FOXP1: variants seen among roughly 807,000 people sequenced by gnomAD.
FOXP1 encodes forkhead box protein P1.
In FOXP1, 15 loss-of-function variants were observed where a neutral mutation model predicts 98.2. The ratio of observed to expected loss-of-function variants is 0.15; its 90% CI spans 0.10 to 0.24. The LOEUF is 0.24. Among genes scored for constraint, FOXP1 ranks in the 10% least tolerant of loss-of-function variants. FOXP1 has a pLI of 1.00. For missense variants in FOXP1, 633 were observed against 848.5 expected, an observed-to-expected ratio of 0.75 and a Z score of 3.15; for synonymous variants, 371 against 314.5, an observed-to-expected ratio of 1.18 and a Z score of -1.90.
At chr3:71,007,843 C>A (rs1322097402) in intron 12 of FOXP1, among the ~76,000 whole-genome samples, 1 of 152,140 alleles carries the variant, frequency 6.6e-6, no homozygotes, top group Non-Finnish European at 1.5e-5. Flanking sequence ...CTGTCTACAG[C>A]CCTCGACCTT....
intron 6 of FOXP1, among the ~76,000 whole-genome samples, chr3:71,181,371 G>A (rs961392695): frequency 1.3e-5 from 2 of 152,158 alleles, no homozygotes; most frequent in African/African-American, 4.8e-5. Context: ...TTGTGCCAAG[G>A]TCAATAAATT....
At chr3:71,543,392 C>A (rs2045046603) in intron 2 of FOXP1, 1 of 152,316 alleles carries the variant, frequency 6.6e-6, no homozygotes, top group Admixed American at 6.5e-5. Context: ...TGAGAAGGGA[C>A]TGAGGAGGAT....
At chr3:71,443,407 G>A (rs547509389) in intron 3 of FOXP1, among the ~76,000 whole-genome samples, 2 of 152,098 alleles carry the variant, frequency 1.3e-5, no homozygotes, top group African/African-American at 2.4e-5. Flanking sequence ...AATGACAGTC[G>A]CCCTACTGTG....
chr3:71,520,292 G>A (rs934539810), intron 2 of FOXP1, among the ~76,000 whole-genome samples: 8 of 152,156 alleles, frequency 5.3e-5, no homozygotes, highest in African/African-American at 1.7e-4. Flanking sequence ...ATGACGGGAA[G>A]GAGTTCACAT....
chr3:71,317,570 A>G (rs2075149804), intron 4 of FOXP1, among the ~76,000 whole-genome samples: 1 of 152,250 alleles, frequency 6.6e-6, no homozygotes, highest in Admixed American at 6.5e-5. Flanking sequence ...TCTAAAAGTT[A>G]CTGCCTTTCA....
At chr3:71,151,336 G>A (rs946699819) in intron 6 of FOXP1, among the ~76,000 whole-genome samples, 13 of 152,128 alleles carry the variant, frequency 8.5e-5, no homozygotes, top group Admixed American at 3.3e-4. Flanking sequence ...CACTACGCGC[G>A]TCAGGATTTA....
chr3:71,350,601 T>C lies in FOXP1; in HGVS notation c.-73+8549A>G, dbSNP rs77194726. ...TCTAGACTCCTCGAGGACAGAGGCA[T>C]GGTAGCATTTCTGAGGCACAGCCCA... On this transcript the variant is annotated intron_variant, in intron 4 of 20. Coordinates refer to ENST00000649528, the MANE Select transcript of FOXP1 (RefSeq NM_001349338.3). Among the ~76,000 whole-genome samples the C allele has an allele frequency of 1.1e-3, 165 of 152,220 alleles. 1 individual carries two copies. The highest frequency in any genetic ancestry group is 3.7e-3 in the African/African-American group (153 of 41,538).
intron 4 of FOXP1, among the ~76,000 whole-genome samples, chr3:71,304,383 G>A (rs533296709): frequency 1.3e-5 from 2 of 152,190 alleles, no homozygotes; most frequent in South Asian, 2.1e-4. Context: ...TTTTCCCTTC[G>A]AAGCTCTAAC....
chr3:71,197,738 C>A (rs1310004626), intron 6 of FOXP1: 6 of 806,080 alleles, frequency 7.4e-6, no homozygotes, highest in Non-Finnish European at 1.2e-5. Flanking sequence ...CCATCTCCGC[C>A]TGTCTTTCTA....
At chr3:71,396,993 T>TATATATAC (rs1269553423) in intron 3 of FOXP1, among the ~76,000 whole-genome samples, 4 of 52,482 alleles carry the variant, frequency 7.6e-5, no homozygotes, top group South Asian at 5.9e-4. Context: ...TGTATATATA[T>TATATATAC]ACACATATAT....
At chr3:71,025,595 A>G (rs1233694467) in intron 11 of FOXP1, among the ~76,000 whole-genome samples, 1 of 152,254 alleles carries the variant, frequency 6.6e-6, no homozygotes, top group African/African-American at 2.4e-5. Context: ...AAATTATTTA[A>G]AAATTAATGC....
At chr3:71,477,338 CA>C (rs1351776041) in intron 3 of FOXP1, among the ~76,000 whole-genome samples, 1 of 152,132 alleles carries the variant, frequency 6.6e-6, no homozygotes, top group African/African-American at 2.4e-5. Context: ...TGTAGGGCTC[CA>C]ATGAGCCTCC....
chr3:71,362,965 A>G (rs1042674222), intron 3 of FOXP1, among the ~76,000 whole-genome samples: 4 of 152,130 alleles, frequency 2.6e-5, no homozygotes, highest in Non-Finnish European at 5.9e-5. Flanking sequence ...AGTGTTTTTT[A>G]ATGTCTTCTT....
intron 4 of FOXP1, among the ~76,000 whole-genome samples, chr3:71,357,849 T>C (rs1257612643): frequency 1.3e-5 from 2 of 152,054 alleles, no homozygotes; most frequent in African/African-American, 4.8e-5. Context: ...ACAGAATACT[T>C]AAATAATTTT....
chr3:70,986,172 C>A (rs1408784856), intron 14 of FOXP1, among the ~76,000 whole-genome samples: 1 of 152,178 alleles, frequency 6.6e-6, no homozygotes, highest in East Asian at 1.9e-4. Flanking sequence ...TCCCCCCATG[C>A]TTTTCCCTGT....
rs550755824 is a variant in FOXP1, at chr3:71,452,118, C to T, written c.-168+41308G>A. Among the ~76,000 whole-genome samples, 28 of 152,250 alleles carry T rather than the reference C, an allele frequency of 1.8e-4. No homozygotes were observed. The South Asian group carries it at 5.6e-3, about 30-fold the overall frequency. ...TGCCAAATATTTACTGGCGACGTCT[C>T]TAAAATTAATCACTCTCGGAGCCCC... On this transcript the variant is annotated intron_variant, in intron 3 of 20. Coordinates refer to ENST00000649528, the MANE Select transcript of FOXP1 (RefSeq NM_001349338.3).
intron 7 of FOXP1, among the ~76,000 whole-genome samples, chr3:71,096,375 G>A (rs2056456462): frequency 6.6e-6 from 1 of 152,112 alleles, no homozygotes. Context: ...GAGTTCCGGA[G>A]CCTAACTGTG....
At chr3:71,339,495 G>T (rs1159118821) in intron 4 of FOXP1, among the ~76,000 whole-genome samples, 1 of 152,188 alleles carries the variant, frequency 6.6e-6, no homozygotes, top group Non-Finnish European at 1.5e-5. Flanking sequence ...TAACTCTTCA[G>T]CGTATCAGTG....
At chr3:70,988,638 T>C (rs995431243) in intron 13 of FOXP1, among the ~76,000 whole-genome samples, 9 of 152,202 alleles carry the variant, frequency 5.9e-5, no homozygotes, top group African/African-American at 1.9e-4. Flanking sequence ...TTACTCAAGA[T>C]TTGAGTACCT....
Sources: gnomAD v4.1 joint callset for allele counts (sites outside exome capture counted in the v4.1 genomes callset) on GRCh38, gnomAD v4.1.1 for gene constraint, MANE v1.5 for transcripts, NCBI Gene and HGNC (gene_info 2026-07-23, HGNC 2026-07-21) for gene names.